KRT82: variants seen among roughly 807,000 people sequenced by gnomAD.
KRT82 encodes the protein keratin 82.
KRT82 carries 44 observed loss-of-function variants against 48.0 expected under a neutral mutation model. That is an observed-to-expected ratio of 0.92 (90% CI 0.72 to 1.18). The LOEUF (loss-of-function observed/expected upper bound fraction) is 1.18, where lower values mean the gene tolerates loss of function less well. Ranked by LOEUF, KRT82 falls within the 50% of genes most tolerant of loss-of-function variation. KRT82 has a pLI of 0.00. For missense variants in KRT82, 701 were observed against 671.4 expected (o/e 1.04, Z -0.49); for synonymous variants, 297 against 278.3 (o/e 1.07, Z -0.67).
intron 8 of KRT82, 34 bp from the exon 9 acceptor site, chr12:52,395,229 C>T: frequency 6.4e-7 from 1 of 1,570,438 alleles, no homozygotes; most frequent in Non-Finnish European, 8.7e-7. Context: ...CAGGGCCCCA[C>T]ACGGTGTGGC....
At chr12:52,399,794 C>T (rs113230053) in intron 5 of KRT82, among the ~76,000 whole-genome samples, 191 bp downstream of exon 5, 96 of 152,354 alleles carry the variant, frequency 6.3e-4, no homozygotes, top group Non-Finnish European at 1.1e-3. Context: ...CTCCCACGTG[C>T]TCTGCAGGGA....
intron 1 of KRT82, 54 bp downstream of exon 1, chr12:52,405,813 A>C: frequency 6.5e-7 from 1 of 1,538,182 alleles, no homozygotes; most frequent in Non-Finnish European, 8.8e-7. Context: ...GAACAAGACC[A>C]GACCCCAGAT....
intron 6 of KRT82, 97 bp downstream of exon 6, chr12:52,396,786 G>A: frequency 7.3e-7 from 1 of 1,368,198 alleles, no homozygotes; most frequent in Non-Finnish European, 1.0e-6. Context: ...CCTCTTCAAT[G>A]GCACTCACAG....
Position 52,403,886 on chromosome 12 carries a change from GTTC to G in KRT82, c.432_434del (p.Lys144del), listed in dbSNP as rs1357728315. 5 of 1,613,806 alleles carry G rather than the reference GTTC, an allele frequency of 3.1e-6. No homozygotes were observed. The highest frequency in any genetic ancestry group is 4.2e-6 in the Non-Finnish European group (5 of 1,180,012). On this transcript the variant is annotated inframe_deletion, in exon 2 of 9. Transcript: ENST00000257974. ...AGTTCCACTTGGTCTCCAGCAGCTT[GTTC>G]TTCTGCTCCAGGAAACGGACCTGCA...
At chr12:52,397,381 C>T (rs1454764253) in intron 5 of KRT82, among the ~76,000 whole-genome samples, 2 of 152,184 alleles carry the variant, frequency 1.3e-5, no homozygotes, top group Non-Finnish European at 2.9e-5. Flanking sequence ...CTGTGCTCAG[C>T]CTGGGTTGCC....
chr12:52,406,179 C>T lies in KRT82; in HGVS notation c.99G>A (p.Val33=), dbSNP rs150959498. The T allele has an allele frequency of 3.4e-3, 5,561 of 1,613,548 alleles. 19 individuals are homozygous for T. Among genetic ancestry groups the T allele is most frequent in the Non-Finnish European group, 4.3e-3 (5,058 of 1,179,964 alleles). Residue 33 remains valine, a synonymous_variant, in exon 1 of 9, where the codon GTG becomes GTA. Coordinates refer to ENST00000257974, the MANE Select transcript of KRT82 (RefSeq NM_033033.4). ...VMPRMVTHYA[V]SKGPCRPGGG... ...CCCCGGGCCGGCATGGCCCCTTGCT[C>T]ACTGCATAGTGGGTGACCATCCGGG...
Position 52,403,809 on chromosome 12 carries a change from C to T in KRT82, c.512G>A (p.Gly171Asp). The T allele has an allele frequency of 1.9e-6, 3 of 1,613,830 alleles. No individual in the cohort carries two copies. Residue 171 changes from glycine to aspartate, a missense_variant, in exon 2 of 9, where the codon GGC becomes GAC. By Grantham distance (94) the Gly-to-Asp change is moderately conservative (BLOSUM62 -1). Transcript: ENST00000257974. ...CQTNIEPIFE[G>D]YISALRRQLD... Reference sequence around the variant, plus strand: ...CTGCCGCCGAAGGGCGCTGATATAGCCCTCGAAGATGGGCTCGATGTTGGT... The same window carrying T: ...CTGCCGCCGAAGGGCGCTGATATAGTCCTCGAAGATGGGCTCGATGTTGGT...
rs1939700105 is a variant in KRT82 at position 52,395,433 on chromosome 12, C to T, written c.1322-238G>A. On this transcript the variant is annotated intron_variant, in intron 8 of 8. Transcript: ENST00000257974. ...CAAGGCCAGGCTGGATTCAGCTTCACCATTTCTCAGTTTCTACTGGTCCCT... is the reference window on the plus strand; with the variant it reads ...CAAGGCCAGGCTGGATTCAGCTTCATCATTTCTCAGTTTCTACTGGTCCCT... Among the ~76,000 whole-genome samples the T allele has an allele frequency of 2.6e-5, 4 of 152,180 alleles. No homozygotes were observed. In the South Asian group the frequency reaches 6.2e-4, roughly 24 times the overall value.
At chr12:52,405,258 A>C (rs565692915) in intron 1 of KRT82, among the ~76,000 whole-genome samples, 1 of 152,202 alleles carries the variant, frequency 6.6e-6, no homozygotes, top group African/African-American at 2.4e-5. Context: ...GGGAATCTGC[A>C]CTGTTCCTGC....
At chr12:52,398,540 A>G (rs773271694) in intron 5 of KRT82, among the ~76,000 whole-genome samples, 2 of 151,714 alleles carry the variant, frequency 1.3e-5, no homozygotes, top group African/African-American at 4.9e-5. Context: ...TTCAACTAAT[A>G]GAATTTTCTC....
chr12:52,395,939 C>T (rs768335649), intron 7 of KRT82, 73 bp downstream of exon 7: 106 of 1,589,092 alleles, frequency 6.7e-5, no homozygotes, highest in Non-Finnish European at 8.3e-5. Context: ...GAGATACTAG[C>T]AGCCGCCACC....
intron 2 of KRT82, chr12:52,402,338 T>A (rs1939800841): frequency 6.6e-6 from 1 of 152,274 alleles, no homozygotes; most frequent in Non-Finnish European, 1.5e-5. Flanking sequence ...GAGCTGCAAA[T>A]CCTGTCTCTT....
intron 8 of KRT82, 32 bp from the exon 9 acceptor site, chr12:52,395,227 C>G: frequency 6.3e-7 from 1 of 1,586,750 alleles, no homozygotes; most frequent in East Asian, 2.2e-5. Flanking sequence ...CTCAGGGCCC[C>G]ACACGGTGTG....
At position 52,395,118 on chromosome 12, in the gene KRT82, T is replaced by G; in HGVS notation, c.1399A>C (p.Arg467=). ...ACGATGCTGCAGCCCCCATTGCTCC[T>G]GAGGACGCCAGTGCTGAGGACAGGC... ...STPVLSTGVL[R]SNGGCSIVGT... Residue 467 remains arginine, a synonymous_variant, in exon 9 of 9, where the codon AGG becomes CGG. Coordinates refer to ENST00000257974, the MANE Select transcript of KRT82 (RefSeq NM_033033.4). 1 of 1,614,030 alleles carries G rather than the reference T, an allele frequency of 6.2e-7. No homozygotes were observed. The highest frequency in any genetic ancestry group is 8.5e-7 in the Non-Finnish European group (1 of 1,179,978).
chr12:52,402,424 C>T lies in KRT82; in HGVS notation c.621-1075G>A, dbSNP rs1296370471. 2.0e-5 allele frequency: 3 copies of T among 152,360 alleles called. No individual in the cohort carries two copies. In the East Asian group the frequency reaches 5.8e-4, roughly 29 times the overall value. 9.4% of individuals were successfully genotyped at this position (152,360 alleles called of 1,614,324 possible). A position where few individuals can be genotyped will look rare whatever the true frequency, so the allele number is the denominator to read the frequency against. On this transcript the variant is annotated intron_variant, in intron 2 of 8. Coordinates refer to ENST00000257974, the MANE Select transcript of KRT82 (RefSeq NM_033033.4). ...GGCTGGCCTCCAGCCCTCCCACAGC[C>T]TCACTGCATCTCACCTGTCACAGTC... is the stretch of plus-strand genomic sequence containing the variant.
At position 52,395,163 on chromosome 12, in the gene KRT82, C is replaced by G; in HGVS notation, c.1354G>C (p.Glu452Gln). 1.9e-6 allele frequency: 3 copies of G among 1,613,966 alleles called. No individual in the cohort carries two copies. Among genetic ancestry groups the G allele is most frequent in the Non-Finnish European group, 2.5e-6 (3 of 1,179,976 alleles). ...ACAGGCGTGCTGACCCCACATGGCT[C>G]GTACAGGAAGGCGCCTTTGGAGCTG... is the stretch of plus-strand genomic sequence containing the variant. ...VSSSKGAFLY[E>Q]PCGVSTPVLS... The change falls in exon 9 of 9, where the codon GAG (glutamate) becomes CAG (glutamine). Residue 452 changes from glutamate (E) to glutamine (Q), a missense_variant. Transcript: ENST00000257974.
chr12:52,396,531 A>G (rs1939718202), intron 6 of KRT82, among the ~76,000 whole-genome samples: 1 of 152,148 alleles, frequency 6.6e-6, no homozygotes, highest in Non-Finnish European at 1.5e-5. Flanking sequence ...TGATTTTATG[A>G]ACAACTGAGA....
At chr12:52,401,154 C>G in intron 3 of KRT82, 135 bp downstream of exon 3, 1 of 662,466 alleles carries the variant, frequency 1.5e-6, no homozygotes, top group Non-Finnish European at 2.6e-6. Flanking sequence ...GGGGCTGGCA[C>G]AGGAGTCTGA....
chr12:52,403,748 C>T lies in KRT82; in HGVS notation c.573G>A (p.Glu191=), dbSNP rs1939817870. ...CAGCCTGGAGGCTGCAGAGCTCTGA[C>T]TCTAGCCTCACGCGGTCCCCGGACA... The part of the protein sequence containing the change: ...DCVSGDRVRL[E]SELCSLQAAL... The change falls in exon 2 of 9, where the codon GAG becomes GAA. Residue 191 remains glutamate (E), a synonymous_variant. Transcript: ENST00000257974. The T allele has an allele frequency of 1.2e-6, 2 of 1,613,434 alleles. No homozygotes were observed. Among genetic ancestry groups the T allele is most frequent in the Non-Finnish European group, 1.7e-6 (2 of 1,179,988 alleles).
Sources: gnomAD v4.1 joint callset for allele counts (sites outside exome capture counted in the v4.1 genomes callset) on GRCh38, gnomAD v4.1.1 for gene constraint, MANE v1.5 for transcripts, NCBI Gene and HGNC (gene_info 2026-07-23, HGNC 2026-07-21) for gene names.